RNF182: variants seen among roughly 807,000 people sequenced by gnomAD.
RNF182 encodes ring finger protein 182, also known as E3 ubiquitin-protein ligase RNF182.
In RNF182, 15 loss-of-function variants were observed where a neutral mutation model predicts 14.4. That is an observed-to-expected ratio of 1.04 (90% CI 0.70 to 1.60). RNF182 has a LOEUF of 1.60. Ranked by LOEUF, RNF182 falls within the 40% of genes most tolerant of loss-of-function variation. RNF182 has a pLI of 0.00. For missense variants in RNF182, 268 were observed against 294.8 expected, an observed-to-expected ratio of 0.91 and a Z score of 0.67; for synonymous variants, 128 against 122.9, an observed-to-expected ratio of 1.04 and a Z score of -0.27.
intron 1 of RNF182, among the ~76,000 whole-genome samples, chr6:13,937,660 G>T (rs185904254): frequency 1.6e-4 from 25 of 152,278 alleles, no homozygotes; most frequent in African/African-American, 6.0e-4. Flanking sequence ...GAGCATTTCT[G>T]TTGTGCATCT....
In RNF182 at chr6:13,978,845, A is replaced by G. The variant is rs1246838057; in HGVS notation, c.*982A>G. On this transcript the variant is annotated 3_prime_UTR_variant, in exon 3 of 3. Coordinates refer to ENST00000488300, the MANE Select transcript of RNF182 (RefSeq NM_152737.4). ...TAACAATTCGAGGTGAACTGTGGCAATGAAAACCAGAAACAGTTAATGAGA... is the reference window on the plus strand; with the variant it reads ...TAACAATTCGAGGTGAACTGTGGCAGTGAAAACCAGAAACAGTTAATGAGA... The G allele has an allele frequency of 1.2e-5, 2 of 167,094 alleles. No individual in the cohort carries two copies. Among genetic ancestry groups the G allele is most frequent in the African/African-American group, 2.4e-5 (1 of 41,462 alleles). The allele number at this position is 167,094 out of a possible 1,614,324, so 10.4% of individuals were successfully genotyped here.
intron 1 of RNF182, among the ~76,000 whole-genome samples, chr6:13,934,846 G>A (rs1038873376): frequency 2.6e-5 from 4 of 152,210 alleles, no homozygotes; most frequent in African/African-American, 9.6e-5. Flanking sequence ...TTTAAATAGG[G>A]ATTTGAGTGA....
At chr6:13,964,467 G>A (rs1056040851) in intron 1 of RNF182, among the ~76,000 whole-genome samples, 3 of 152,090 alleles carry the variant, frequency 2.0e-5, no homozygotes, top group Non-Finnish European at 4.4e-5. Context: ...AAAACTCCAG[G>A]AATTATAGTT....
chr6:13,968,122 A>G (rs2113640622), intron 1 of RNF182, among the ~76,000 whole-genome samples: 1 of 152,342 alleles, frequency 6.6e-6, no homozygotes, highest in South Asian at 2.1e-4. Flanking sequence ...AATGAAATTA[A>G]AAGTAACAGA....
At chr6:13,967,596 A>G (rs1760066089) in intron 1 of RNF182, among the ~76,000 whole-genome samples, 1 of 152,216 alleles carries the variant, frequency 6.6e-6, no homozygotes. Flanking sequence ...GAGCACCATA[A>G]TAAATTAAAA....
chr6:13,973,518 T>C (rs1001517439), intron 1 of RNF182, among the ~76,000 whole-genome samples: 3 of 152,108 alleles, frequency 2.0e-5, no homozygotes, highest in East Asian at 3.9e-4. Flanking sequence ...GTGGAGATAA[T>C]TGAATCATGG....
intron 1 of RNF182, among the ~76,000 whole-genome samples, chr6:13,930,463 C>T (rs1405378340): frequency 1.3e-5 from 2 of 152,212 alleles, no homozygotes; most frequent in Non-Finnish European, 2.9e-5. Flanking sequence ...AACCTGGGCT[C>T]ACCTGCTCTT....
At chr6:13,949,349 A>C (rs953319625) in intron 1 of RNF182, 1 of 767,576 alleles carries the variant, frequency 1.3e-6, no homozygotes, top group Non-Finnish European at 2.4e-6. Context: ...CTTGCTTCCA[A>C]GTGTCCTGAA....
Position 13,979,663 on chromosome 6 carries a change from T to C in RNF182, c.*1800T>C, listed in dbSNP as rs1172624887. On this transcript the variant is annotated 3_prime_UTR_variant, in exon 3 of 3. Coordinates refer to ENST00000488300, the MANE Select transcript of RNF182 (RefSeq NM_152737.4). ...AGTAAATACCATGTTTAGAAGATGT[T>C]TTGTGGTTTGGATTTATATATTTGT... 1 of 166,592 alleles carries C rather than the reference T, an allele frequency of 6.0e-6. No homozygotes were observed. Among genetic ancestry groups the C allele is most frequent in the Non-Finnish European group, 1.5e-5 (1 of 68,090 alleles). 10.3% of individuals were successfully genotyped at this position (166,592 alleles called of 1,614,324 possible). A position where few individuals can be genotyped will look rare whatever the true frequency, so the allele number is the denominator to read the frequency against.
At chr6:13,950,786 C>T (rs1029888547) in intron 1 of RNF182, among the ~76,000 whole-genome samples, 3 of 150,460 alleles carry the variant, frequency 2.0e-5, no homozygotes, top group Admixed American at 6.6e-5. Context: ...CATGAGCCAC[C>T]ACACCTGCAC....
At chr6:13,938,728 A>G (rs1759207092) in intron 1 of RNF182, among the ~76,000 whole-genome samples, 1 of 152,160 alleles carries the variant, frequency 6.6e-6, no homozygotes, top group Non-Finnish European at 1.5e-5. Context: ...TTGCAGTGGC[A>G]TTCTTTTCAT....
At chr6:13,971,627 T>C (rs1427888677) in intron 1 of RNF182, among the ~76,000 whole-genome samples, 2 of 152,182 alleles carry the variant, frequency 1.3e-5, no homozygotes, top group African/African-American at 2.4e-5. Flanking sequence ...TGGAACTTCC[T>C]AGAGTCTTGG....
intron 1 of RNF182, among the ~76,000 whole-genome samples, chr6:13,944,101 A>G (rs780323715): frequency 2.6e-5 from 4 of 152,132 alleles, no homozygotes; most frequent in Non-Finnish European, 5.9e-5. Flanking sequence ...ATCTCTCTGG[A>G]TGTTTACATT....
rs280162 is a variant in RNF182 at position 13,978,044 on chromosome 6, A to C, written c.*181A>C. 313,290 of 686,292 alleles carry C rather than the reference A, an allele frequency of 0.46. 74,624 individuals are homozygous for C. Among genetic ancestry groups the C allele is most frequent in the Middle Eastern group, 0.55 (1,265 of 2,316 alleles). The allele number at this position is 686,292 out of a possible 1,614,324, so 42.5% of individuals were successfully genotyped here. Reference sequence around the variant, plus strand: ...GCTGGAAGTAAAAATGTTCATTTCTACTTAGGGGTTAGCAAAATTGTATAA... The same window carrying C: ...GCTGGAAGTAAAAATGTTCATTTCTCCTTAGGGGTTAGCAAAATTGTATAA... On this transcript the variant is annotated 3_prime_UTR_variant, in exon 3 of 3. Coordinates refer to ENST00000488300, the MANE Select transcript of RNF182 (RefSeq NM_152737.4).
chr6:13,945,644 C>A (rs1759420416), intron 1 of RNF182, among the ~76,000 whole-genome samples: 1 of 152,148 alleles, frequency 6.6e-6, no homozygotes, highest in African/African-American at 2.4e-5. Flanking sequence ...TTGACATAGA[C>A]CTCTTCTCTT....
chr6:13,936,941 G>A (rs1759125141), intron 1 of RNF182, among the ~76,000 whole-genome samples: 2 of 152,294 alleles, frequency 1.3e-5, no homozygotes, highest in African/African-American at 4.8e-5. Flanking sequence ...GGGGTGGAGT[G>A]AGGTCGAGGA....
chr6:13,970,525 T>G (rs1760149141), intron 1 of RNF182, among the ~76,000 whole-genome samples: 1 of 152,262 alleles, frequency 6.6e-6, no homozygotes, highest in South Asian at 2.1e-4. Context: ...TCTTTGCTAT[T>G]GTGGATAGTC....
chr6:13,942,390 G>A (rs776908473), intron 1 of RNF182, among the ~76,000 whole-genome samples: 47 of 152,280 alleles, frequency 3.1e-4, no homozygotes, highest in Admixed American at 7.2e-4. Flanking sequence ...GGCCCAGGCT[G>A]GAGTCAAGTG....
intron 1 of RNF182, among the ~76,000 whole-genome samples, chr6:13,973,126 C>G (rs1053316408): frequency 5.3e-5 from 8 of 152,132 alleles, no homozygotes; most frequent in Non-Finnish European, 1.0e-4. Flanking sequence ...AAAGATTTGG[C>G]TGCCCTGCTG....
Sources: gnomAD v4.1 joint callset for allele counts (sites outside exome capture counted in the v4.1 genomes callset) on GRCh38, gnomAD v4.1.1 for gene constraint, MANE v1.5 for transcripts, NCBI Gene and HGNC (gene_info 2026-07-23, HGNC 2026-07-21) for gene names.